Variants in AFF3 observed in about 807,000 individuals in gnomAD.
AFF3 encodes the protein ALF transcription elongation factor 3, also known as AF4/FMR2 family member 3.
Under a neutral mutation model 129.7 loss-of-function variants are expected in AFF3, and 32 were observed. That is an observed-to-expected ratio of 0.25 (90% CI 0.19 to 0.33). The LOEUF is 0.33. Ranked by LOEUF, AFF3 falls within the 10% of genes least tolerant of loss-of-function variation. The probability of loss-of-function intolerance (pLI) is 1.00; values close to 1 mark genes in which losing one functional copy is unlikely to be tolerated. For missense variants in AFF3, 1,373 were observed against 1,592.0 expected, an observed-to-expected ratio of 0.86 and a Z score of 2.34; for synonymous variants, 644 against 635.4, an observed-to-expected ratio of 1.01 and a Z score of -0.20.
intron 8 of AFF3, among the ~76,000 whole-genome samples, chr2:99,755,629 C>T (rs1348536893): frequency 6.6e-6 from 1 of 152,126 alleles, no homozygotes; most frequent in Non-Finnish European, 1.5e-5. Flanking sequence ...TTCTTTTCAC[C>T]TTCTTGACAT....
intron 4 of AFF3, among the ~76,000 whole-genome samples, chr2:100,087,373 A>G (rs182241199): frequency 2.6e-5 from 4 of 152,310 alleles, no homozygotes; most frequent in Admixed American, 2.6e-4. Context: ...TTTACTCATT[A>G]GAGGACTAAG....
chr2:99,889,001 G>A (rs1056586921), intron 7 of AFF3, among the ~76,000 whole-genome samples: 24 of 152,198 alleles, frequency 1.6e-4, no homozygotes, highest in Non-Finnish European at 3.4e-4. Context: ...AAATAATGAT[G>A]TAGCTGTATG....
chr2:99,839,640 C>G (rs867831361), intron 7 of AFF3, among the ~76,000 whole-genome samples: 2 of 149,718 alleles, frequency 1.3e-5, no homozygotes, highest in South Asian at 4.3e-4. Context: ...GAGACGGAGC[C>G]TCGCTCTGTC....
chr2:99,629,549 C>T (rs1575548709), intron 13 of AFF3, among the ~76,000 whole-genome samples: 1 of 152,262 alleles, frequency 6.6e-6, no homozygotes, highest in East Asian at 1.9e-4. Context: ...ATAGACCCTC[C>T]GACTGTACTG....
intron 8 of AFF3, among the ~76,000 whole-genome samples, chr2:99,797,853 T>C (rs755671931): frequency 7.2e-5 from 11 of 152,104 alleles, no homozygotes; most frequent in Non-Finnish European, 1.3e-4. Flanking sequence ...CATTTTCAGA[T>C]ATGCAACAGC....
chr2:99,826,748 C>A (rs982369073), intron 8 of AFF3, among the ~76,000 whole-genome samples: 1 of 152,098 alleles, frequency 6.6e-6, no homozygotes, highest in Non-Finnish European at 1.5e-5. Flanking sequence ...CAAACCACGT[C>A]TGGGGGTCTC....
At chr2:100,053,000 C>G (rs948639283) in intron 4 of AFF3, among the ~76,000 whole-genome samples, 6 of 152,040 alleles carry the variant, frequency 3.9e-5, no homozygotes, top group Non-Finnish European at 8.8e-5. Context: ...GGAAATGTGA[C>G]AAGAGGGGAA....
At chr2:100,113,122 C>T (rs149735328) in intron 2 of AFF3, among the ~76,000 whole-genome samples, 44 of 152,306 alleles carry the variant, frequency 2.9e-4, no homozygotes, top group African/African-American at 9.4e-4. Flanking sequence ...ATTGGGGATA[C>T]ATTCCCAAAC....
intron 4 of AFF3, among the ~76,000 whole-genome samples, chr2:100,061,891 C>CA (rs1687318809): frequency 6.7e-6 from 1 of 149,098 alleles, no homozygotes; most frequent in Non-Finnish European, 1.5e-5. Context: ...AGTCCACTGA[C>CA]AGAGGCTTCA....
At chr2:99,769,303 T>C (rs532717419) in intron 8 of AFF3, among the ~76,000 whole-genome samples, 20 of 152,356 alleles carry the variant, frequency 1.3e-4, no homozygotes, top group Admixed American at 3.3e-4. Context: ...TTCTTCAGTA[T>C]GTCAGCTGCA....
chr2:99,589,036 A>C (rs11123788), intron 15 of AFF3, among the ~76,000 whole-genome samples: 102,459 of 152,146 alleles, frequency 0.67, 34,498 homozygotes, highest in South Asian at 0.82. Context: ...ATTTTATGTA[A>C]GTCTTTCTGC....
Position 99,601,826 on chromosome 2 carries a change from T to C in AFF3, c.1185-205A>G, listed in dbSNP as rs76206793. 4.5e-4 allele frequency among the ~76,000 whole-genome samples: 68 copies of C among 152,140 alleles called. 3 individuals are homozygous for C. In the East Asian group the frequency reaches 0.011, roughly 25 times the overall value. ...AAGCAACTCATATACAGAAATAAAA[T>C]TGGGGGTGAAGTTGGTGCCCCTTGG... On this transcript the variant is annotated intron_variant, in intron 13 of 24. Coordinates refer to ENST00000672756, the MANE Select transcript of AFF3 (RefSeq NM_001386135.1).
chr2:100,060,332 G>GAAGT (rs1687168132), intron 4 of AFF3, among the ~76,000 whole-genome samples: 1 of 152,166 alleles, frequency 6.6e-6, no homozygotes, highest in Non-Finnish European at 1.5e-5. Context: ...AGATACTGAG[G>GAAGT]CACAGGAATG....
At chr2:99,959,454 G>T (rs1307628802) in intron 7 of AFF3, among the ~76,000 whole-genome samples, 7 of 151,246 alleles carry the variant, frequency 4.6e-5, no homozygotes, top group Non-Finnish European at 1.0e-4. Flanking sequence ...TGGAAAATAG[G>T]GCTTGACAAG....
chr2:100,033,512 A>G (rs145718782), intron 4 of AFF3, among the ~76,000 whole-genome samples: 179 of 152,342 alleles, frequency 1.2e-3, no homozygotes, highest in African/African-American at 4.2e-3. Flanking sequence ...AATTCTGGAG[A>G]TAAATTTAAA....
rs546599923 is a variant in AFF3 at position 99,707,457 on chromosome 2, C to T, written c.1091+19620G>A. 6.8e-5 allele frequency: 67 copies of T among 985,268 alleles called. No homozygotes were observed. In the South Asian group the frequency reaches 1.6e-3, roughly 23 times the overall value. 61.0% of individuals were successfully genotyped at this position (985,268 alleles called of 1,614,324 possible). A position where few individuals can be genotyped will look rare whatever the true frequency, so the allele number is the denominator to read the frequency against. ...CAGATAATTTTTTTGCATTTCAGCA[C>T]GAGGCAAACAAACAAAAGGTTATCC... On this transcript the variant is annotated intron_variant, in intron 11 of 24. Transcript: ENST00000672756.
intron 4 of AFF3, among the ~76,000 whole-genome samples, chr2:100,071,939 T>C (rs1476178684): frequency 6.6e-6 from 1 of 152,146 alleles, no homozygotes; most frequent in African/African-American, 2.4e-5. Flanking sequence ...CTAAATAGCA[T>C]TTATCATGTA....
intron 13 of AFF3, among the ~76,000 whole-genome samples, chr2:99,614,911 C>T (rs1299205045): frequency 1.3e-5 from 2 of 152,088 alleles, no homozygotes; most frequent in Non-Finnish European, 1.5e-5. Flanking sequence ...GTGGCCCCAC[C>T]AAAGATAAAG....
In AFF3 at chr2:100,105,147, C is replaced by A. The variant is rs1481478611; in HGVS notation, c.-65+357G>T. The A allele has an allele frequency of 3.8e-5, 9 of 236,424 alleles. No homozygotes were observed. The South Asian group carries it at 6.7e-4, about 18-fold the overall frequency. 14.6% of individuals were successfully genotyped at this position (236,424 alleles called of 1,614,324 possible). A position where few individuals can be genotyped will look rare whatever the true frequency, so the allele number is the denominator to read the frequency against. On this transcript the variant is annotated intron_variant, in intron 3 of 24. Coordinates refer to ENST00000672756, the MANE Select transcript of AFF3 (RefSeq NM_001386135.1). ...GCCCGGCCCTGTCGCATCCCTCGGCCGCCCGCCCGCGCCCGGCCCCGCCCG... is the reference window on the plus strand; with the variant it reads ...GCCCGGCCCTGTCGCATCCCTCGGCAGCCCGCCCGCGCCCGGCCCCGCCCG...
Sources: allele counts gnomAD v4.1 joint callset (sites outside exome capture counted in the v4.1 genomes callset), GRCh38; gene constraint gnomAD v4.1.1; transcripts MANE v1.5; gene names NCBI Gene and HGNC (gene_info 2026-07-23, HGNC 2026-07-21).